The following RPS6KC1 variants were observed in gnomAD, a reference collection of about 807,000 sequenced individuals.
RPS6KC1 encodes ribosomal protein S6 kinase C1, also known as inactive ribosomal protein S6 kinase delta-1.
Under a neutral mutation model 103.8 loss-of-function variants are expected in RPS6KC1, and 54 were observed. The ratio of observed to expected loss-of-function variants is 0.52; its 90% CI spans 0.42 to 0.65. The LOEUF is 0.65. Among genes scored for constraint, RPS6KC1 ranks in the 30% least tolerant of loss-of-function variants. The pLI is 0.00. For synonymous variants in RPS6KC1, 439 were observed against 438.7 expected (o/e 1.00, Z -0.01); for missense variants, 1,151 against 1,253.8 (o/e 0.92, Z 1.24).
the RPS6KC1 span, among the ~76,000 whole-genome samples, chr1:213,331,686 G>A: frequency 6.6e-6 from 1 of 152,164 alleles, no homozygotes; most frequent in African/African-American, 2.4e-5. Context: ...CAGGGAAGTC[G>A]GTGGCATTGC....
intron 5 of RPS6KC1, among the ~76,000 whole-genome samples, chr1:213,121,479 A>G (rs747781964): frequency 2.6e-5 from 4 of 152,246 alleles, no homozygotes; most frequent in Non-Finnish European, 4.4e-5. Flanking sequence ...AGATGAAAGA[A>G]GATGTAATTG....
At position 213,241,709 on chromosome 1, in the gene RPS6KC1, G is replaced by A. The variant is rs566092126; in HGVS notation, c.2233G>A (p.Glu745Lys). The change falls in exon 11 of 15, where the codon GAG becomes AAG. Residue 745 changes from glutamate to lysine, a missense_variant. By Grantham distance (56) the Glu-to-Lys change is moderately conservative (BLOSUM62 1). This residue lies in a region of RPS6KC1 where 959 missense variants were observed against 1,006.3 expected (regional missense o/e 0.95). Transcript: ENST00000366960. ...TAGTACTGAACAATGCCAAGCACATGAGGAGAAAGGCATAGAGGAACTGAG... is the reference window on the plus strand; with the variant it reads ...TAGTACTGAACAATGCCAAGCACATAAGGAGAAAGGCATAGAGGAACTGAG... ...RLSTEQCQAHEEKGIEELSDP... is the reference protein window; with the variant it reads ...RLSTEQCQAHKEKGIEELSDP... 1.2e-6 allele frequency: 2 copies of A among 1,613,942 alleles called. No individual in the cohort carries two copies. The highest frequency in any genetic ancestry group is 2.2e-5 in the South Asian group (2 of 91,082).
At chr1:213,471,552 C>T in the RPS6KC1 span, among the ~76,000 whole-genome samples, 1 of 152,140 alleles carries the variant, frequency 6.6e-6, no homozygotes, top group East Asian at 1.9e-4. Flanking sequence ...CACTGTCATC[C>T]TCCTATCCCA....
chr1:213,734,139 T>G, the RPS6KC1 span, among the ~76,000 whole-genome samples: 1 of 151,968 alleles, frequency 6.6e-6, no homozygotes, highest in Non-Finnish European at 1.5e-5. Flanking sequence ...TGTGCACCAT[T>G]TTCAAGGAGG....
the RPS6KC1 span, among the ~76,000 whole-genome samples, chr1:213,573,703 AG>A: frequency 6.6e-6 from 1 of 152,260 alleles, no homozygotes; most frequent in Non-Finnish European, 1.5e-5. Context: ...AATGATATCA[AG>A]AAGTGCTTCT....
At chr1:213,583,067 G>T in the RPS6KC1 span, among the ~76,000 whole-genome samples, 1 of 152,176 alleles carries the variant, frequency 6.6e-6, no homozygotes, top group African/African-American at 2.4e-5. Flanking sequence ...TTTTGAGATT[G>T]GTCCTTGCCG....
chr1:213,363,711 TTTCTTTCTTTCTTTCG>T, the RPS6KC1 span, among the ~76,000 whole-genome samples: 45 of 113,086 alleles, frequency 4.0e-4, 9 homozygotes, highest in South Asian at 1.8e-3. Context: ...TCCTTCTTTC[TTTCTTTCTTTCTTTCG>T]TTCTTTCTTT....
chr1:213,382,710 T>A, the RPS6KC1 span, among the ~76,000 whole-genome samples: 1 of 152,096 alleles, frequency 6.6e-6, no homozygotes, highest in African/African-American at 2.4e-5. Context: ...TGAGTTTGGT[T>A]TTCATCTCAG....
chr1:213,556,342 G>A, the RPS6KC1 span, among the ~76,000 whole-genome samples: 1 of 152,178 alleles, frequency 6.6e-6, no homozygotes, highest in Non-Finnish European at 1.5e-5. Context: ...ACCTTTTAAA[G>A]AAGAATGGAA....
chr1:213,734,634 A>G, the RPS6KC1 span, among the ~76,000 whole-genome samples: 2 of 152,252 alleles, frequency 1.3e-5, no homozygotes, highest in African/African-American at 4.8e-5. Context: ...ATAAATGCCA[A>G]AATATGCTTG....
the RPS6KC1 span, among the ~76,000 whole-genome samples, chr1:213,330,759 C>T: frequency 6.6e-6 from 1 of 152,240 alleles, no homozygotes; most frequent in South Asian, 2.1e-4. Flanking sequence ...ACTTTGCTCT[C>T]CGCGATCACT....
chr1:213,620,858 C>T, the RPS6KC1 span, among the ~76,000 whole-genome samples: 9,627 of 152,138 alleles, frequency 0.063, 618 homozygotes, highest in East Asian at 0.29. Context: ...CTAGGGAGGC[C>T]GTACTTACTA....
chr1:213,800,510 G>T, the RPS6KC1 span, among the ~76,000 whole-genome samples: 1 of 135,656 alleles, frequency 7.4e-6, no homozygotes, highest in Non-Finnish European at 1.5e-5. Flanking sequence ...ATCTGGTCAT[G>T]GTTGCTGGGA....
the RPS6KC1 span, among the ~76,000 whole-genome samples, chr1:213,505,777 G>A: frequency 6.6e-6 from 1 of 152,096 alleles, no homozygotes; most frequent in East Asian, 1.9e-4. Context: ...AGTTGTTTTG[G>A]TTTCTCTACC....
chr1:213,068,502 A>AG (rs1478381579), intron 1 of RPS6KC1, among the ~76,000 whole-genome samples: 1 of 150,582 alleles, frequency 6.6e-6, no homozygotes, highest in Non-Finnish European at 1.5e-5. Flanking sequence ...AAAAAAAAAA[A>AG]AAAAAAAGAA....
chr1:213,854,512 C>CTT, the RPS6KC1 span, among the ~76,000 whole-genome samples: 7 of 64,170 alleles, frequency 1.1e-4, no homozygotes, highest in African/African-American at 5.7e-4. Flanking sequence ...CTTTCTTTCT[C>CTT]TTTCTTTCTT....
the RPS6KC1 span, among the ~76,000 whole-genome samples, chr1:213,327,342 T>G: frequency 8.5e-5 from 13 of 152,128 alleles, no homozygotes; most frequent in Non-Finnish European, 1.8e-4. Context: ...AGCACAATAT[T>G]ATCCAGTGTT....
At chr1:213,800,576 C>T in the RPS6KC1 span, among the ~76,000 whole-genome samples, 1 of 152,100 alleles carries the variant, frequency 6.6e-6, no homozygotes, top group Non-Finnish European at 1.5e-5. Flanking sequence ...GTCACAACCT[C>T]ACTGTGCTGT....
the RPS6KC1 span, among the ~76,000 whole-genome samples, chr1:213,318,048 G>T: frequency 6.6e-6 from 1 of 152,258 alleles, no homozygotes; most frequent in African/African-American, 2.4e-5. Context: ...GGGGGCAGGG[G>T]CTGTGTTCGC....
Sources: gnomAD v4.1 joint callset for allele counts (sites outside exome capture counted in the v4.1 genomes callset) on GRCh38, gnomAD v4.1.1 for gene constraint, gnomAD v4.1.1 regional missense constraint, MANE v1.5 for transcripts, NCBI Gene and HGNC (gene_info 2026-07-23, HGNC 2026-07-21) for gene names.